The following FMN2 variants were observed in gnomAD, a reference collection of about 807,000 sequenced individuals.
FMN2 encodes formin-2.
In FMN2, 51 loss-of-function variants were observed where a neutral mutation model predicts 142.3. That is an observed-to-expected ratio of 0.36 (90% CI 0.29 to 0.45). FMN2 has a LOEUF of 0.45. Among genes scored for constraint, FMN2 ranks in the 20% least tolerant of loss-of-function variants. FMN2 has a pLI of 1.00. For synonymous variants in FMN2, 882 were observed against 869.8 expected (o/e 1.01, Z -0.25); for missense variants, 1,936 against 2,122.8 (o/e 0.91, Z 1.73).
chr1:240,359,367 G>A (rs868455598), intron 14 of FMN2, among the ~76,000 whole-genome samples: 3 of 152,098 alleles, frequency 2.0e-5, no homozygotes, highest in South Asian at 2.1e-4. Flanking sequence ...GTATATACAA[G>A]CAAGGTCTTT....
At chr1:240,268,941 A>G (rs1668902261) in intron 7 of FMN2, among the ~76,000 whole-genome samples, 1 of 151,962 alleles carries the variant, frequency 6.6e-6, no homozygotes, top group African/African-American at 2.4e-5. Context: ...AGACATATAA[A>G]TATATTAGAT....
At chr1:240,448,551 C>T (rs1163185161) in intron 16 of FMN2, among the ~76,000 whole-genome samples, 1 of 152,126 alleles carries the variant, frequency 6.6e-6, no homozygotes, top group East Asian at 1.9e-4. Flanking sequence ...TGCTGTGGCA[C>T]ACGCTTGTAT....
At chr1:240,391,464 C>T (rs900102222) in intron 14 of FMN2, among the ~76,000 whole-genome samples, 11 of 152,228 alleles carry the variant, frequency 7.2e-5, no homozygotes, top group Admixed American at 2.0e-4. Context: ...TGCCCTGCTC[C>T]ACTGTGTCTC....
rs762077889 is a variant in FMN2 at position 240,208,670 on chromosome 1, C to T, written c.3858C>T (p.Pro1286=). The part of the protein sequence containing the change: ...MNQDKGSRKQ[P]IEPCRPMKPL... ...AGGACAAAGGGAGTAGGAAGCAGCC[C>T]ATAGAGCCTTGTCGACCAATGAAGC... Residue 1286 remains proline (P), a synonymous_variant, in exon 5 of 18, where the codon CCC becomes CCT. Coordinates refer to ENST00000319653, the MANE Select transcript of FMN2 (RefSeq NM_020066.5). The T allele has an allele frequency of 8.1e-6, 13 of 1,613,816 alleles. No individual in the cohort carries two copies. The East Asian group carries it at 2.9e-4, about 36-fold the overall frequency.
chr1:240,301,796 T>A (rs1221097946), intron 8 of FMN2, among the ~76,000 whole-genome samples: 1 of 152,022 alleles, frequency 6.6e-6, no homozygotes, highest in Non-Finnish European at 1.5e-5. Flanking sequence ...TTTAGGTTTT[T>A]CTTTTTATTG....
At chr1:240,177,721 T>C (rs543435420) in intron 2 of FMN2, 200 bp from the exon 3 acceptor site, 1 of 385,818 alleles carries the variant, frequency 2.6e-6, no homozygotes, top group Admixed American at 4.5e-5. Flanking sequence ...AATGTGGTTA[T>C]AAAGATAAAA....
At chr1:240,300,637 T>A (rs1211573276) in intron 8 of FMN2, among the ~76,000 whole-genome samples, 1 of 152,220 alleles carries the variant, frequency 6.6e-6, no homozygotes, top group Non-Finnish European at 1.5e-5. Flanking sequence ...AAGAGACATA[T>A]ATAACTTACC....
intron 16 of FMN2, among the ~76,000 whole-genome samples, chr1:240,462,658 G>C (rs1195853884): frequency 6.6e-6 from 1 of 152,156 alleles, no homozygotes; most frequent in East Asian, 1.9e-4. Context: ...TAAACATCTA[G>C]TGAATACTTG....
Position 240,145,322 on chromosome 1 carries a change from G to C in FMN2, c.1782+21977G>C, listed in dbSNP as rs1051357048. 4 of 1,044,788 alleles carry C rather than the reference G, an allele frequency of 3.8e-6. No homozygotes were observed. The Admixed American group carries it at 1.0e-4, about 27-fold the overall frequency. The allele number at this position is 1,044,788 out of a possible 1,614,324, so 64.7% of individuals were successfully genotyped here. On this transcript the variant is annotated intron_variant, in intron 2 of 17. Coordinates refer to ENST00000319653, the MANE Select transcript of FMN2 (RefSeq NM_020066.5). ...CTCATCCATGCCGCTGAGGGCCGCCGCTGGGGGCTGCTGGGACTGCACCAG... is the reference window on the plus strand; with the variant it reads ...CTCATCCATGCCGCTGAGGGCCGCCCCTGGGGGCTGCTGGGACTGCACCAG...
intron 7 of FMN2, among the ~76,000 whole-genome samples, chr1:240,294,418 C>T (rs958803356): frequency 1.3e-4 from 20 of 152,234 alleles, no homozygotes; most frequent in African/African-American, 4.8e-4. Context: ...TTAAATTTCA[C>T]CTTTGTCAAA....
chr1:240,335,082 T>G (rs1254015858), intron 13 of FMN2, among the ~76,000 whole-genome samples: 1 of 152,202 alleles, frequency 6.6e-6, no homozygotes, highest in East Asian at 1.9e-4. Context: ...CATAGAGTTG[T>G]TATATTCTAG....
chr1:240,424,550 C>T (rs1674873784), intron 15 of FMN2, among the ~76,000 whole-genome samples: 1 of 152,112 alleles, frequency 6.6e-6, no homozygotes, highest in African/African-American at 2.4e-5. Flanking sequence ...GAATAGATTC[C>T]TTGTCTTATC....
At chr1:240,272,941 T>C (rs1225975584) in intron 7 of FMN2, among the ~76,000 whole-genome samples, 1 of 152,190 alleles carries the variant, frequency 6.6e-6, no homozygotes, top group Non-Finnish European at 1.5e-5. Flanking sequence ...AAATAAGTTG[T>C]ATAGAAAGGC....
chr1:240,158,025 G>C (rs1250626296), intron 2 of FMN2, among the ~76,000 whole-genome samples: 1 of 149,178 alleles, frequency 6.7e-6, no homozygotes, highest in Non-Finnish European at 1.5e-5. Context: ...CACACCTATA[G>C]TCCCAGCTAC....
chr1:240,101,037 G>A (rs1321699319), intron 1 of FMN2, among the ~76,000 whole-genome samples: 1 of 152,170 alleles, frequency 6.6e-6, no homozygotes, highest in Non-Finnish European at 1.5e-5. Flanking sequence ...CGCAGGAGGG[G>A]AAAGAATGTG....
chr1:240,105,931 G>C (rs991354268), intron 1 of FMN2, among the ~76,000 whole-genome samples: 17 of 148,112 alleles, frequency 1.1e-4, no homozygotes, highest in African/African-American at 4.2e-4. Context: ...AATTATTGTG[G>C]CTTTCCTTTT....
At chr1:240,433,587 C>T (rs1018819913) in intron 15 of FMN2, among the ~76,000 whole-genome samples, 3 of 152,190 alleles carry the variant, frequency 2.0e-5, no homozygotes, top group African/African-American at 7.2e-5. Context: ...TCATACAGCT[C>T]AGACTGCTTC....
At chr1:240,392,290 T>C (rs912819611) in intron 14 of FMN2, among the ~76,000 whole-genome samples, 3 of 152,156 alleles carry the variant, frequency 2.0e-5, no homozygotes, top group Non-Finnish European at 4.4e-5. Context: ...TTAGATAATA[T>C]ATCTTGTCTG....
chr1:240,464,494 A>G (rs1676549784), intron 16 of FMN2, among the ~76,000 whole-genome samples: 2 of 152,184 alleles, frequency 1.3e-5, no homozygotes, highest in African/African-American at 4.8e-5. Context: ...TCTGTGCATT[A>G]ATTTTATGTT....
Sources: allele counts gnomAD v4.1 joint callset (sites outside exome capture counted in the v4.1 genomes callset), GRCh38; gene constraint gnomAD v4.1.1; transcripts MANE v1.5; gene names NCBI Gene and HGNC (gene_info 2026-07-23, HGNC 2026-07-21).